The following BRF1 variants were observed in gnomAD, a reference collection of about 807,000 sequenced individuals.
BRF1 encodes the protein BRF1 general transcription factor IIIB subunit, also known as transcription factor IIIB 90 kDa subunit.
BRF1 carries 59 observed loss-of-function variants against 81.7 expected under a neutral mutation model. The ratio of observed to expected loss-of-function variants is 0.72; its 90% CI spans 0.59 to 0.90. The LOEUF is 0.90. Ranked by LOEUF, BRF1 falls within the 40% of genes least tolerant of loss-of-function variation. BRF1 has a pLI of 0.00. For synonymous variants in BRF1, 491 were observed against 395.6 expected (o/e 1.24, Z -2.86); for missense variants, 1,050 against 936.3 (o/e 1.12, Z -1.58).
In BRF1 at chr14:105,256,420, G is replaced by A. The variant is rs769062517; in HGVS notation, c.471+98C>T. On this transcript the variant is annotated intron_variant, in intron 4 of 17. Coordinates refer to ENST00000547530, the MANE Select transcript of BRF1 (RefSeq NM_001519.4). ...GGCAGCACAGACCGGCCACTGAGATGCGTGGAGGCACCTGGGGTACACCCC... is the reference window on the plus strand; with the variant it reads ...GGCAGCACAGACCGGCCACTGAGATACGTGGAGGCACCTGGGGTACACCCC... 1.2e-5 allele frequency: 19 copies of A among 1,613,118 alleles called. No homozygotes were observed. In the East Asian group the frequency reaches 3.8e-4, roughly 32 times the overall value.
chr14:105,247,766 C>T (rs1330787405), intron 5 of BRF1: 3 of 985,430 alleles, frequency 3.0e-6, no homozygotes, highest in Non-Finnish European at 3.6e-6. Flanking sequence ...TCCTGACAGC[C>T]AGGCCTCTGG....
chr14:105,229,060 G>C, intron 6 of BRF1, 147 bp from the exon 7 acceptor site: 1 of 732,764 alleles, frequency 1.4e-6, no homozygotes, highest in Non-Finnish European at 2.4e-6. Flanking sequence ...CCCTCACTTG[G>C]CATGGCTACT....
intron 15 of BRF1, chr14:105,217,074 C>T: frequency 5.1e-6 from 1 of 196,878 alleles, no homozygotes; most frequent in Non-Finnish European, 1.0e-5. Flanking sequence ...CTGAGGCCAG[C>T]ACATCCCGCC....
At chr14:105,215,856 A>G (rs1362542533) in intron 15 of BRF1, among the ~76,000 whole-genome samples, 2 of 150,654 alleles carry the variant, frequency 1.3e-5, no homozygotes, top group Non-Finnish European at 3.0e-5. Flanking sequence ...ACACAGGCAC[A>G]CACACACATG....
intron 1 of BRF1, chr14:105,314,711 G>GCGGGCGGGGCGCCGGGCGGGGCGC (rs1049078172): frequency 2.8e-5 from 4 of 142,350 alleles, no homozygotes; most frequent in South Asian, 2.1e-4. Flanking sequence ...CGCGCGGGGC[G>GCGGGCGGGGCGCCGGGCGGGGCGC]CGGGCGGGGC....
At chr14:105,229,630 G>A (rs1481694519) in intron 6 of BRF1, among the ~76,000 whole-genome samples, 11 of 151,102 alleles carry the variant, frequency 7.3e-5, no homozygotes, top group African/African-American at 1.9e-4. Flanking sequence ...TAGAACAGTC[G>A]CCCAGCTGGG....
At chr14:105,251,482 C>T (rs1307974145) in intron 5 of BRF1, among the ~76,000 whole-genome samples, 1 of 152,200 alleles carries the variant, frequency 6.6e-6, no homozygotes, top group Non-Finnish European at 1.5e-5. Flanking sequence ...TCTCCCACCC[C>T]TTGTCTCTCT....
rs1444394899 is a variant in BRF1 at position 105,209,301 on chromosome 14, A to G, written c.*1250T>C. On this transcript the variant is annotated 3_prime_UTR_variant, in exon 18 of 18. Coordinates refer to ENST00000547530, the MANE Select transcript of BRF1 (RefSeq NM_001519.4). ...CCTCAGGCAATTTCTGTTAAGTAAC[A>G]ACAGATCTTCCTGCTTTACTAAATC... 5 of 518,968 alleles carry G rather than the reference A, an allele frequency of 9.6e-6. No homozygotes were observed. The highest frequency in any genetic ancestry group is 8.5e-5 in the South Asian group (4 of 46,796). The allele number at this position is 518,968 out of a possible 1,614,324, so 32.1% of individuals were successfully genotyped here. A position where few individuals can be genotyped will look rare whatever the true frequency, so the allele number is the denominator to read the frequency against.
intron 5 of BRF1, among the ~76,000 whole-genome samples, chr14:105,243,164 G>A (rs2140217668): frequency 6.6e-6 from 1 of 151,206 alleles, no homozygotes; most frequent in African/African-American, 2.4e-5. Context: ...TGTGAGGCTG[G>A]GTGTGGTGGC....
At position 105,248,228 on chromosome 14, in the gene BRF1, G is replaced by A. The variant is rs2055260085; in HGVS notation, c.544+4279C>T. ...GCGAAGCATCTGAACGAACGAGGAA[G>A]CCCAACGACCATCCCACAGGCCGCG... is the stretch of plus-strand genomic sequence containing the variant. On this transcript the variant is annotated intron_variant, in intron 5 of 17. Coordinates refer to ENST00000547530, the MANE Select transcript of BRF1 (RefSeq NM_001519.4). The A allele has an allele frequency of 4.1e-6, 4 of 985,502 alleles. No homozygotes were observed. The South Asian group carries it at 1.4e-4, about 35-fold the overall frequency. The allele number at this position is 985,502 out of a possible 1,614,324, so 61.0% of individuals were successfully genotyped here.
At position 105,221,643 on chromosome 14, in the gene BRF1, C is replaced by T; in HGVS notation, c.1315+5G>A. ...AGCGTCCCCCAGGGCCCCATCAGAACTCACTGGGGTCGCTGCTCTGAGAGG... is the reference window on the plus strand; with the variant it reads ...AGCGTCCCCCAGGGCCCCATCAGAATTCACTGGGGTCGCTGCTCTGAGAGG... On this transcript the variant is annotated splice_donor_5th_base_variant and intron_variant, in intron 11 of 17. Transcript: ENST00000547530. 1 of 1,608,210 alleles carries T rather than the reference C, an allele frequency of 6.2e-7. No homozygotes were observed. Among genetic ancestry groups the T allele is most frequent in the South Asian group, 1.1e-5 (1 of 90,664 alleles).
chr14:105,286,276 G>C lies in BRF1; in HGVS notation c.265+20C>G. 1 of 1,607,740 alleles carries C rather than the reference G, an allele frequency of 6.2e-7. No individual in the cohort carries two copies. The highest frequency in any genetic ancestry group is 8.5e-7 in the Non-Finnish European group (1 of 1,177,178). On this transcript the variant is annotated intron_variant, in intron 2 of 17. Coordinates refer to ENST00000547530, the MANE Select transcript of BRF1 (RefSeq NM_001519.4). The stretch of plus-strand genomic sequence containing the variant: ...TCTGGGACCCGCCGCACGCTCAGCA[G>C]CATCCGCGGTGGGAAATACCATTCT...
intron 1 of BRF1, among the ~76,000 whole-genome samples, chr14:105,312,733 A>G (rs764067131): frequency 6.6e-5 from 10 of 152,176 alleles, no homozygotes; most frequent in Non-Finnish European, 1.5e-4. Flanking sequence ...TGATCACCCA[A>G]GGGACATCTG....
At chr14:105,254,598 G>A (rs1318237398) in intron 4 of BRF1, among the ~76,000 whole-genome samples, 1 of 151,828 alleles carries the variant, frequency 6.6e-6, no homozygotes, top group Non-Finnish European at 1.5e-5. Flanking sequence ...TTTCACTCTT[G>A]TTGCCCAGGC....
chr14:105,275,266 T>C (rs1343672589), intron 2 of BRF1, among the ~76,000 whole-genome samples: 1 of 152,176 alleles, frequency 6.6e-6, no homozygotes, highest in Non-Finnish European at 1.5e-5. Flanking sequence ...CAGCATCACA[T>C]GGAGCCCCCA....
intron 3 of BRF1, among the ~76,000 whole-genome samples, chr14:105,258,885 CA>C (rs375486081): frequency 4.2e-4 from 63 of 149,612 alleles, no homozygotes; most frequent in African/African-American, 1.5e-3. Context: ...TTCATGAAGA[CA>C]AAAAAAAATA....
intron 1 of BRF1, among the ~76,000 whole-genome samples, chr14:105,310,388 G>A (rs2058318010): frequency 6.6e-6 from 1 of 151,850 alleles, no homozygotes; most frequent in Non-Finnish European, 1.5e-5. Flanking sequence ...AAATTAGCCA[G>A]GCGTGGTGGC....
At chr14:105,219,325 T>G (rs1271474304) in intron 12 of BRF1, 93 bp from the exon 13 acceptor site, 2 of 1,575,148 alleles carry the variant, frequency 1.3e-6, no homozygotes, top group Non-Finnish European at 1.7e-6. Context: ...ATTTCCACCG[T>G]TAGAGGAAGG....
At position 105,210,021 on chromosome 14, in the gene BRF1, A is replaced by C. The variant is rs191266777; in HGVS notation, c.*530T>G. 4 of 239,932 alleles carry C rather than the reference A, an allele frequency of 1.7e-5. No individual in the cohort carries two copies. In the East Asian group the frequency reaches 3.6e-4, roughly 21 times the overall value. The allele number at this position is 239,932 out of a possible 1,614,324, so 14.9% of individuals were successfully genotyped here. A position where few individuals can be genotyped will look rare whatever the true frequency, so the allele number is the denominator to read the frequency against. On this transcript the variant is annotated 3_prime_UTR_variant, in exon 18 of 18. Coordinates refer to ENST00000547530, the MANE Select transcript of BRF1 (RefSeq NM_001519.4). This position sits in a 1 kb window ranked among gnomAD's most constrained non-coding sequence, Gnocchi z 4.7. Reference sequence around the variant, plus strand: ...GACCTTCAAGGAGCTGCTGCCTCTCAAGTGCCAGATCCTCAGCTCCCACGG... The same window carrying C: ...GACCTTCAAGGAGCTGCTGCCTCTCCAGTGCCAGATCCTCAGCTCCCACGG...
Sources: gnomAD v4.1 joint callset for allele counts (sites outside exome capture counted in the v4.1 genomes callset) on GRCh38, gnomAD v4.1.1 for gene constraint, Gnocchi (gnomAD v3.1) non-coding constraint, MANE v1.5 for transcripts, NCBI Gene and HGNC (gene_info 2026-07-23, HGNC 2026-07-21) for gene names.